The following RCOR1 variants were observed in gnomAD, a reference collection of about 807,000 sequenced individuals.
RCOR1 encodes REST corepressor 1, also known as REST corepressor.
In RCOR1, 12 loss-of-function variants were observed where a neutral mutation model predicts 64.0. That is an observed-to-expected ratio of 0.19 (90% CI 0.12 to 0.30). The LOEUF (loss-of-function observed/expected upper bound fraction) is 0.30, where lower values mean the gene tolerates loss of function less well. Ranked by LOEUF, RCOR1 falls within the 10% of genes least tolerant of loss-of-function variation. RCOR1 has a pLI of 1.00. For missense variants in RCOR1, 502 were observed against 621.2 expected (o/e 0.81, Z 2.04); for synonymous variants, 279 against 227.2 (o/e 1.23, Z -2.05).
intron 2 of RCOR1, chr14:102,658,466 T>G: frequency 6.3e-5 from 60 of 946,452 alleles, no homozygotes; most frequent in Non-Finnish European, 6.7e-5. Context: ...CCAGGCTGGG[T>G]GAGAGTGAGA....
At position 102,718,122 on chromosome 14, in the gene RCOR1, G is replaced by C. The variant is rs369049208; in HGVS notation, c.1054-2885G>C. On this transcript the variant is annotated intron_variant, in intron 8 of 11. Coordinates refer to ENST00000262241, the MANE Select transcript of RCOR1 (RefSeq NM_015156.4). Reference sequence around the variant, plus strand: ...CCAACATCAGTGGCTACTGGTGTTAGTTCATGTGTTCAGTCATGCTCTCAG... The same window carrying C: ...CCAACATCAGTGGCTACTGGTGTTACTTCATGTGTTCAGTCATGCTCTCAG... Among the ~76,000 whole-genome samples the C allele has an allele frequency of 2.6e-4, 40 of 152,328 alleles. No individual in the cohort carries two copies. The East Asian group carries it at 2.9e-3, about 11-fold the overall frequency.
intron 2 of RCOR1, among the ~76,000 whole-genome samples, chr14:102,676,749 TC>T (rs1895172213): frequency 1.3e-5 from 1 of 77,674 alleles, no homozygotes; most frequent in Non-Finnish European, 2.5e-5. Flanking sequence ...CCCACCTCCC[TC>T]CCGGACGGGG....
Position 102,681,890 on chromosome 14 carries a change from C to T in RCOR1, c.362-5C>T, listed in dbSNP as rs1895311889. 8.7e-6 allele frequency: 14 copies of T among 1,610,186 alleles called. No homozygotes were observed. The highest frequency in any genetic ancestry group is 1.2e-5 in the Non-Finnish European group (14 of 1,177,262). Reference sequence around the variant, plus strand: ...ATAAGAATTTTCTTTTTTCTTTCTCCCAAGCCAAACTGGCAAGACGCAGTC... The same window carrying T: ...ATAAGAATTTTCTTTTTTCTTTCTCTCAAGCCAAACTGGCAAGACGCAGTC... On this transcript the variant is annotated splice_region_variant and splice_polypyrimidine_tract_variant and intron_variant, in intron 2 of 11. Transcript: ENST00000262241.
At chr14:102,718,493 T>A (rs566521481) in intron 8 of RCOR1, among the ~76,000 whole-genome samples, 1 of 151,512 alleles carries the variant, frequency 6.6e-6, no homozygotes, top group Non-Finnish European at 1.5e-5. Context: ...GGTCTTTCTC[T>A]GAGTGGAGAA....
intron 2 of RCOR1, among the ~76,000 whole-genome samples, chr14:102,612,240 T>G (rs959050555): frequency 6.6e-6 from 1 of 152,222 alleles, no homozygotes; most frequent in African/African-American, 2.4e-5. Flanking sequence ...CAGGCTGGTC[T>G]TGAGCTCCTA....
chr14:102,639,754 A>G (rs1213671945), intron 2 of RCOR1, among the ~76,000 whole-genome samples: 2 of 151,246 alleles, frequency 1.3e-5, no homozygotes, highest in Non-Finnish European at 2.9e-5. Context: ...GCTGGTCTTG[A>G]ACTCCCAGCC....
chr14:102,716,053 T>C (rs1188509185), intron 8 of RCOR1, among the ~76,000 whole-genome samples: 1 of 152,228 alleles, frequency 6.6e-6, no homozygotes, highest in East Asian at 1.9e-4. Context: ...CTCTACATCA[T>C]TGCCATATTT....
intron 4 of RCOR1, 73 bp from the exon 5 acceptor site, chr14:102,707,273 ACTTTT>A (rs764941356): frequency 4.3e-6 from 5 of 1,166,456 alleles, no homozygotes; most frequent in Non-Finnish European, 4.7e-6. Context: ...AGTCGTTTTT[ACTTTT>A]CTTTTGCTGG....
chr14:102,597,777 G>A (rs560938325), intron 2 of RCOR1, among the ~76,000 whole-genome samples: 5 of 151,824 alleles, frequency 3.3e-5, no homozygotes, highest in Non-Finnish European at 5.9e-5. Flanking sequence ...GGGATTACAG[G>A]CGTGTGCCAC....
At chr14:102,642,923 G>A (rs1894399344) in intron 2 of RCOR1, among the ~76,000 whole-genome samples, 1 of 152,178 alleles carries the variant, frequency 6.6e-6, no homozygotes. Flanking sequence ...GGGGGAATGA[G>A]TCAGGAAGGC....
chr14:102,730,232 G>T lies in RCOR1; in HGVS notation c.*3726G>T. On this transcript the variant is annotated 3_prime_UTR_variant, in exon 12 of 12. Coordinates refer to ENST00000262241, the MANE Select transcript of RCOR1 (RefSeq NM_015156.4). ...TTTAGACAGCTTAAAAAATTTTCAA[G>T]ATTTTAAAAGATGTATAAGGTTAAG... The T allele has an allele frequency of 2.6e-6, 1 of 386,738 alleles. No individual in the cohort carries two copies. Among genetic ancestry groups the T allele is most frequent in the Non-Finnish European group, 4.6e-6 (1 of 218,998 alleles). The allele number at this position is 386,738 out of a possible 1,614,324, so 24.0% of individuals were successfully genotyped here.
intron 2 of RCOR1, among the ~76,000 whole-genome samples, chr14:102,672,048 A>G (rs545789846): frequency 3.3e-5 from 5 of 152,336 alleles, no homozygotes; most frequent in East Asian, 1.9e-4. Flanking sequence ...TCATATAGAC[A>G]TACTGCATTT....
At chr14:102,712,947 GTTTTTTTTT>G (rs67246962) in intron 7 of RCOR1, among the ~76,000 whole-genome samples, 1 of 77,708 alleles carries the variant, frequency 1.3e-5, no homozygotes. Context: ...CTAAATCATT[GTTTTTTTTT>G]TTTTTTTTTT....
intron 8 of RCOR1, 139 bp downstream of exon 8, chr14:102,714,756 G>A (rs1896033922): frequency 1.6e-6 from 1 of 608,216 alleles, no homozygotes; most frequent in Non-Finnish European, 2.8e-6. Context: ...CAGATCTTAA[G>A]TACCAGCCCA....
Position 102,636,139 on chromosome 14 carries a change from C to T in RCOR1, c.361+42814C>T, listed in dbSNP as rs374667258. 2.6e-3 allele frequency among the ~76,000 whole-genome samples: 393 copies of T among 151,106 alleles called. 4 individuals are homozygous for T. The highest frequency in any genetic ancestry group is 7.9e-3 in the African/African-American group (324 of 41,146). On this transcript the variant is annotated intron_variant, in intron 2 of 11. Transcript: ENST00000262241. ...ATTTTTAGTAGAGATGGGGTTTCAC[C>T]GTGTTAGCCAGGATGGTCTTGATCT...
intron 2 of RCOR1, among the ~76,000 whole-genome samples, chr14:102,663,023 AT>A (rs1379236943): frequency 1.3e-5 from 2 of 152,124 alleles, no homozygotes; most frequent in Non-Finnish European, 2.9e-5. Flanking sequence ...TAACTCCCAC[AT>A]ATTGTAGGAG....
rs930564059 is a variant in RCOR1 at position 102,729,927 on chromosome 14, A to G, written c.*3421A>G. ...ATTCAAGCTTCTATTGTCAAGTGAAACTTTCCTCAGATGGACTCCAGGTAG... is the reference window on the plus strand; with the variant it reads ...ATTCAAGCTTCTATTGTCAAGTGAAGCTTTCCTCAGATGGACTCCAGGTAG... On this transcript the variant is annotated 3_prime_UTR_variant, in exon 12 of 12. Transcript: ENST00000262241. The G allele has an allele frequency of 5.0e-6, 2 of 399,068 alleles. No homozygotes were observed. The highest frequency in any genetic ancestry group is 6.3e-4 in the Middle Eastern group (1 of 1,588). 24.7% of individuals were successfully genotyped at this position (399,068 alleles called of 1,614,324 possible).
intron 2 of RCOR1, among the ~76,000 whole-genome samples, chr14:102,605,650 A>G (rs962004200): frequency 2.0e-5 from 3 of 152,158 alleles, no homozygotes; most frequent in Non-Finnish European, 4.4e-5. Flanking sequence ...CAATAACTGT[A>G]TTACTGGTTT....
chr14:102,615,756 C>T (rs1433132506), intron 2 of RCOR1, among the ~76,000 whole-genome samples: 1 of 152,080 alleles, frequency 6.6e-6, no homozygotes, highest in Non-Finnish European at 1.5e-5. Flanking sequence ...GCCATTAATT[C>T]TTTTTTAAGA....
Sources: allele counts gnomAD v4.1 joint callset (sites outside exome capture counted in the v4.1 genomes callset), GRCh38; gene constraint gnomAD v4.1.1; transcripts MANE v1.5; gene names NCBI Gene and HGNC (gene_info 2026-07-23, HGNC 2026-07-21).